Variants in SMCHD1 observed in about 807,000 individuals in gnomAD.
SMCHD1 encodes the protein structural maintenance of chromosomes flexible hinge domain containing 1, also known as structural maintenance of chromosomes flexible hinge domain-containing protein 1.
In SMCHD1, 78 loss-of-function variants were observed where a neutral mutation model predicts 254.7. The observed-to-expected ratio is 0.31, with a 90% confidence interval of 0.26 to 0.37. SMCHD1 has a LOEUF of 0.37. Among genes scored for constraint, SMCHD1 ranks in the 10% least tolerant of loss-of-function variants. The probability of loss-of-function intolerance (pLI) is 1.00; values close to 1 mark genes in which losing one functional copy is unlikely to be tolerated. For synonymous variants in SMCHD1, 766 were observed against 794.9 expected, an observed-to-expected ratio of 0.96 and a Z score of 0.61; for missense variants, 1,840 against 2,408.1, an observed-to-expected ratio of 0.76 and a Z score of 4.94.
At chr18:2,735,067 TC>T (rs1412066033) in intron 25 of SMCHD1, among the ~76,000 whole-genome samples, 3 of 62,380 alleles carry the variant, frequency 4.8e-5, no homozygotes, top group Admixed American at 3.8e-4. Context: ...AAGACTCATC[TC>T]AAAAAAAAAA....
intron 13 of SMCHD1, 21 bp downstream of exon 13, chr18:2,703,907 C>G: frequency 6.7e-7 from 1 of 1,499,086 alleles, no homozygotes; most frequent in Non-Finnish European, 8.9e-7. Context: ...CTTATTGTCA[C>G]TTTTTTCTTA....
At chr18:2,703,049 T>C (rs1452469339) in intron 12 of SMCHD1, among the ~76,000 whole-genome samples, 1 of 152,236 alleles carries the variant, frequency 6.6e-6, no homozygotes, top group Non-Finnish European at 1.5e-5. Flanking sequence ...TTAAGTATTA[T>C]TAGAAAACAC....
chr18:2,731,755 T>C (rs1292250964), intron 24 of SMCHD1, among the ~76,000 whole-genome samples: 1 of 152,216 alleles, frequency 6.6e-6, no homozygotes, highest in East Asian at 1.9e-4. Flanking sequence ...CTGATGCCTG[T>C]AATCCCAGCA....
At chr18:2,667,143 G>A in intron 3 of SMCHD1, 112 bp downstream of exon 3, 1 of 747,970 alleles carries the variant, frequency 1.3e-6, no homozygotes. Flanking sequence ...TTTATTAGAA[G>A]ACCACTCATT....
intron 36 of SMCHD1, 38 bp downstream of exon 36, chr18:2,762,274 A>G (rs760290994): frequency 6.3e-7 from 1 of 1,598,512 alleles, no homozygotes; most frequent in South Asian, 1.1e-5. Flanking sequence ...GAAGGGTAAC[A>G]AGAAAAATTA....
At chr18:2,698,680 TCC>T (rs5822718) in intron 10 of SMCHD1, among the ~76,000 whole-genome samples, 1 of 151,198 alleles carries the variant, frequency 6.6e-6, no homozygotes, top group Non-Finnish European at 1.5e-5. Context: ...CACCTTTTTT[TCC>T]CCCCCCAGTA....
intron 40 of SMCHD1, 135 bp from the exon 41 acceptor site, chr18:2,772,111 GTTTT>G: frequency 1.8e-6 from 1 of 559,508 alleles, no homozygotes; most frequent in Non-Finnish European, 2.6e-6. Context: ...TTTTCTGATA[GTTTT>G]TTTTTTAATA....
chr18:2,765,824 C>A (rs900149095), intron 37 of SMCHD1, among the ~76,000 whole-genome samples: 7 of 152,074 alleles, frequency 4.6e-5, no homozygotes, highest in Non-Finnish European at 8.8e-5. Flanking sequence ...GTAAGATTTT[C>A]TTGTGCTCTA....
chr18:2,799,231 T>C (rs1164210128), intron 47 of SMCHD1, among the ~76,000 whole-genome samples: 1 of 152,186 alleles, frequency 6.6e-6, no homozygotes, highest in Non-Finnish European at 1.5e-5. Context: ...GTAAACAACG[T>C]TAAAAATGAT....
intron 45 of SMCHD1, among the ~76,000 whole-genome samples, chr18:2,795,224 T>G (rs2076240223): frequency 6.6e-6 from 1 of 152,116 alleles, no homozygotes; most frequent in African/African-American, 2.4e-5. Flanking sequence ...CAGCTAATTT[T>G]GTTTTTGTAT....
chr18:2,673,923 G>T, intron 4 of SMCHD1, 92 bp from the exon 5 acceptor site: 1 of 1,270,096 alleles, frequency 7.9e-7, no homozygotes, highest in Non-Finnish European at 1.1e-6. Context: ...GTATAAGTGA[G>T]CCTGTTGAAT....
Position 2,784,340 on chromosome 18 carries a change from T to C in SMCHD1, c.5548-110T>C, listed in dbSNP as rs75038094. 9.4e-3 allele frequency: 8,786 copies of C among 932,772 alleles called. 46 individuals carry two copies. Among genetic ancestry groups the C allele is most frequent in the Non-Finnish European group, 0.011 (7,283 of 647,378 alleles). The allele number at this position is 932,772 out of a possible 1,614,324, so 57.8% of individuals were successfully genotyped here. On this transcript the variant is annotated intron_variant, in intron 44 of 47. Transcript: ENST00000320876. Reference sequence around the variant, plus strand: ...TTGCTAGTTACTAAGTTTTTGAAAATACTACTGTGATCCTGTCATTTCTAA... The same window carrying C: ...TTGCTAGTTACTAAGTTTTTGAAAACACTACTGTGATCCTGTCATTTCTAA...
At chr18:2,782,795 T>C (rs2076178967) in intron 44 of SMCHD1, among the ~76,000 whole-genome samples, 1 of 148,082 alleles carries the variant, frequency 6.8e-6, no homozygotes, top group South Asian at 2.1e-4. Context: ...TTAGAAACAT[T>C]GACTGCCTGA....
At position 2,696,313 on chromosome 18, in the gene SMCHD1, C is replaced by G. The variant is rs561748660; in HGVS notation, c.1041-719C>G. ...TACCCATCTGTGGCCTTTTAGGAACCCGGCCCCACAGTGAGTGGTGGGCCC... is the reference window on the plus strand; with the variant it reads ...TACCCATCTGTGGCCTTTTAGGAACGCGGCCCCACAGTGAGTGGTGGGCCC... On this transcript the variant is annotated intron_variant, in intron 8 of 47. Transcript: ENST00000320876. Among the ~76,000 whole-genome samples the G allele has an allele frequency of 4.1e-3, 631 of 152,234 alleles. 4 individuals are homozygous for G. The highest frequency in any genetic ancestry group is 0.015 in the African/African-American group (611 of 41,540).
chr18:2,801,878 G>T (rs1166292687), intron 47 of SMCHD1, among the ~76,000 whole-genome samples: 2 of 152,032 alleles, frequency 1.3e-5, no homozygotes, highest in South Asian at 2.1e-4. Flanking sequence ...GAATTCATTA[G>T]ATATGCTTAG....
At chr18:2,795,844 C>T (rs753170718) in intron 45 of SMCHD1, 105 bp from the exon 46 acceptor site, 4 of 863,764 alleles carry the variant, frequency 4.6e-6, no homozygotes, top group Non-Finnish European at 6.9e-6. Flanking sequence ...AGTAGATCCC[C>T]TATGTTACCA....
At chr18:2,776,672 G>A (rs915824179) in intron 42 of SMCHD1, among the ~76,000 whole-genome samples, 5 of 152,118 alleles carry the variant, frequency 3.3e-5, no homozygotes, top group South Asian at 2.1e-4. Flanking sequence ...GCCTGTAATT[G>A]CATAGGAATG....
At chr18:2,757,182 TTTATTA>T (rs1388098661) in intron 34 of SMCHD1, among the ~76,000 whole-genome samples, 3 of 152,208 alleles carry the variant, frequency 2.0e-5, no homozygotes, top group Non-Finnish European at 4.4e-5. Flanking sequence ...GTATTTTATT[TTTATTA>T]GTATTTGGAT....
In SMCHD1 at chr18:2,718,553, T is replaced by G; in HGVS notation, c.2458+119T>G. On this transcript the variant is annotated intron_variant, in intron 19 of 47. Transcript: ENST00000320876. This position sits in a 1 kb window ranked among gnomAD's most constrained non-coding sequence, Gnocchi z 4.6. ...CAATTGGGTAACCATCTCGATTTTA[T>G]TTTATTTTCTTACTTACTTTGAGAT... The G allele has an allele frequency of 1.2e-6, 1 of 852,020 alleles. No individual in the cohort carries two copies. Among genetic ancestry groups the G allele is most frequent in the Non-Finnish European group, 1.7e-6 (1 of 585,192 alleles). 52.8% of individuals were successfully genotyped at this position (852,020 alleles called of 1,614,324 possible). A position where few individuals can be genotyped will look rare whatever the true frequency, so the allele number is the denominator to read the frequency against.
Sources: gnomAD v4.1 joint callset for allele counts (sites outside exome capture counted in the v4.1 genomes callset) on GRCh38, gnomAD v4.1.1 for gene constraint, Gnocchi (gnomAD v3.1) non-coding constraint, MANE v1.5 for transcripts, NCBI Gene and HGNC (gene_info 2026-07-23, HGNC 2026-07-21) for gene names.